MDN1: variants seen among roughly 807,000 people sequenced by gnomAD.
MDN1 encodes midasin AAA ATPase 1, also known as midasin.
Under a neutral mutation model 669.2 loss-of-function variants are expected in MDN1, and 266 were observed. The ratio of observed to expected loss-of-function variants is 0.40; its 90% confidence interval spans 0.36 to 0.44. The LOEUF is 0.44. MDN1 is among the 20% of genes least tolerant of loss of function. MDN1 has a pLI of 1.00. For missense variants in MDN1, 5,940 were observed against 6,754.0 expected, an observed-to-expected ratio of 0.88 and a Z score of 4.22; for synonymous variants, 2,385 against 2,457.1, an observed-to-expected ratio of 0.97 and a Z score of 0.87.
intron 90 of MDN1, among the ~76,000 whole-genome samples, chr6:89,657,029 G>A (rs1354478584): frequency 6.6e-6 from 1 of 152,208 alleles, no homozygotes; most frequent in Non-Finnish European, 1.5e-5. Context: ...AGGGGCCTTT[G>A]TAAGGCTGCT....
At chr6:89,725,503 G>T in intron 37 of MDN1, 107 bp from the exon 38 acceptor site, 1 of 986,010 alleles carries the variant, frequency 1.0e-6, no homozygotes, top group Non-Finnish European at 1.5e-6. Context: ...TCTTCAGAAA[G>T]GGAATTTCAA....
intron 50 of MDN1, among the ~76,000 whole-genome samples, chr6:89,709,169 T>A (rs961152915): frequency 3.3e-5 from 5 of 152,110 alleles, no homozygotes; most frequent in Admixed American, 3.3e-4. Context: ...AGGAGGAGAC[T>A]GACATTCTCC....
At chr6:89,805,686 C>T (rs996395043) in intron 1 of MDN1, among the ~76,000 whole-genome samples, 3 of 152,172 alleles carry the variant, frequency 2.0e-5, no homozygotes, top group African/African-American at 7.2e-5. Flanking sequence ...TACACCTGAG[C>T]TCTTACAAAG....
At chr6:89,661,623 A>C in intron 87 of MDN1, 45 bp from the exon 88 acceptor site, 1 of 1,535,582 alleles carries the variant, frequency 6.5e-7, no homozygotes, top group Admixed American at 2.1e-5. Context: ...AAATACAAAT[A>C]TTTTTTTAAA....
intron 64 of MDN1, 46 bp from the exon 65 acceptor site, chr6:89,690,189 A>G (rs371852136): frequency 1.1e-5 from 17 of 1,574,310 alleles, no homozygotes; most frequent in Admixed American, 1.8e-5. Context: ...ATCAGAATCT[A>G]CTTCTAATCA....
At chr6:89,702,938 CTTT>C (rs35611812) in intron 53 of MDN1, among the ~76,000 whole-genome samples, 20 of 140,332 alleles carry the variant, frequency 1.4e-4, no homozygotes, top group Admixed American at 1.4e-4. Flanking sequence ...GGTAAAGGCC[CTTT>C]TTTTTTTTTT....
In MDN1 at chr6:89,648,325, G is replaced by T; in HGVS notation, c.16211C>A (p.Ala5404Glu). ...TCCAATCACAGCCAAAGATTCAAAT[G>T]CAAGCTGTGAATTAGAAAGTTAATG... is the stretch of plus-strand genomic sequence containing the variant. ...SMVDNHTKQLAFESLAVIGNA... is the reference protein window; with the variant it reads ...SMVDNHTKQLEFESLAVIGNA... The change falls in exon 98 of 102, where the codon GCA (alanine) becomes GAA (glutamate). Residue 5404 changes from alanine (A) to glutamate (E), a missense_variant. Physicochemically the swap from Ala to Glu is moderately radical, Grantham distance 107. Around this residue, in one of 5 missense-constraint regions of MDN1, gnomAD observed 2,280 missense variants for 2,576.3 expected, o/e 0.88. Coordinates refer to ENST00000369393, the MANE Select transcript of MDN1 (RefSeq NM_014611.3). 1 of 1,613,750 alleles carries T rather than the reference G, an allele frequency of 6.2e-7. No homozygotes were observed. The highest frequency in any genetic ancestry group is 8.5e-7 in the Non-Finnish European group (1 of 1,179,650).
At chr6:89,762,923 G>A (rs1817628486) in intron 15 of MDN1, among the ~76,000 whole-genome samples, 1 of 152,054 alleles carries the variant, frequency 6.6e-6, no homozygotes, top group Admixed American at 6.5e-5. Context: ...AGGTGCAGTA[G>A]CACACACCTG....
At chr6:89,736,791 C>T (rs1008175744) in intron 33 of MDN1, among the ~76,000 whole-genome samples, 9 of 152,144 alleles carry the variant, frequency 5.9e-5, no homozygotes, top group African/African-American at 2.2e-4. Context: ...CCTTGTCTCC[C>T]CACAACCCCC....
chr6:89,683,289 C>T lies in MDN1; in HGVS notation c.11945G>A (p.Ser3982Asn). 6.2e-7 allele frequency: 1 copy of T among 1,614,176 alleles called. No individual in the cohort carries two copies. The highest frequency in any genetic ancestry group is 8.5e-7 in the Non-Finnish European group (1 of 1,180,048). ...KFMKKFEAVL[S>N]EPCRSSLVES... is the part of the protein sequence containing the mutation. ...CACCAGGGATGACCGGCAGGGTTCACTCAGGACTGCTTCAAATTTCTTCAT... is the reference window on the plus strand; with the variant it reads ...CACCAGGGATGACCGGCAGGGTTCATTCAGGACTGCTTCAAATTTCTTCAT... Residue 3982 changes from serine (S) to asparagine (N), a missense_variant, in exon 73 of 102, where the codon AGT (serine) becomes AAT (asparagine). Transcript: ENST00000369393.
intron 13 of MDN1, among the ~76,000 whole-genome samples, chr6:89,773,693 C>CGT (rs1443976586): frequency 4.0e-5 from 6 of 151,798 alleles, no homozygotes; most frequent in African/African-American, 9.7e-5. Flanking sequence ...GGCCAGGCAC[C>CGT]GTGGCTCAGG....
In MDN1 at chr6:89,725,281, T is replaced by G; in HGVS notation, c.5588A>C (p.Lys1863Thr). Reference protein sequence around the residue: ...MSFQVQHEKTKIFGCQNPFRQ... With the variant: ...MSFQVQHEKTTIFGCQNPFRQ... Reference sequence around the variant, plus strand: ...AAAGGGATTCTGACACCCAAAAATCTTCGTCTTTTCATGCTGCACTTGAAA... The same window carrying G: ...AAAGGGATTCTGACACCCAAAAATCGTCGTCTTTTCATGCTGCACTTGAAA... The change falls in exon 38 of 102, where the codon AAG becomes ACG. Residue 1863 changes from lysine to threonine, a missense_variant. Coordinates refer to ENST00000369393, the MANE Select transcript of MDN1 (RefSeq NM_014611.3). 1 of 1,614,072 alleles carries G rather than the reference T, an allele frequency of 6.2e-7. No homozygotes were observed. Among genetic ancestry groups the G allele is most frequent in the East Asian group, 2.2e-5 (1 of 44,862 alleles).
intron 80 of MDN1, 36 bp from the exon 81 acceptor site, chr6:89,672,738 CA>C: frequency 1.9e-6 from 3 of 1,598,328 alleles, no homozygotes; most frequent in Non-Finnish European, 2.6e-6. Context: ...AACATACAAA[CA>C]AAAGACACCA....
Position 89,668,094 on chromosome 6 carries a change from ACTCAGTTG to A in MDN1, c.14006_14013del (p.Ala4669ValfsTer3). ...ATTCCACCTCCCTCATAGTCATGGA[ACTCAGTTG>A]CTCCCTCTCCAGCTGAATCTTCCAT... On this transcript the variant is annotated frameshift_variant, in exon 84 of 102. Coordinates refer to ENST00000369393, the MANE Select transcript of MDN1 (RefSeq NM_014611.3). LOFTEE classifies it high-confidence loss of function. The A allele has an allele frequency of 6.2e-7, 1 of 1,614,070 alleles. No individual in the cohort carries two copies. The highest frequency in any genetic ancestry group is 8.5e-7 in the Non-Finnish European group (1 of 1,180,000).
chr6:89,761,027 A>G (rs35370614), intron 17 of MDN1, among the ~76,000 whole-genome samples: 17,061 of 152,152 alleles, frequency 0.11, 1,273 homozygotes, highest in Middle Eastern at 0.21. Context: ...TTAGCCGGGC[A>G]TGGTGGCATG....
intron 2 of MDN1, among the ~76,000 whole-genome samples, chr6:89,795,909 C>T (rs1447012574): frequency 6.6e-6 from 1 of 151,918 alleles, no homozygotes; most frequent in African/African-American, 2.4e-5. Flanking sequence ...GAGCCGAGAT[C>T]GCACCACTGC....
rs1562125761 is a variant in MDN1, at chr6:89,712,266, A to G, written c.7431-10T>C. On this transcript the variant is annotated splice_polypyrimidine_tract_variant and intron_variant, in intron 48 of 101. Coordinates refer to ENST00000369393, the MANE Select transcript of MDN1 (RefSeq NM_014611.3). Reference sequence around the variant, plus strand: ...GGTAAAAGGCTGACTCCTGAAATTCATTTGAATGAACAAACTCAGTACTAG... The same window carrying G: ...GGTAAAAGGCTGACTCCTGAAATTCGTTTGAATGAACAAACTCAGTACTAG... 1 of 1,604,208 alleles carries G rather than the reference A, an allele frequency of 6.2e-7. No homozygotes were observed. The highest frequency in any genetic ancestry group is 1.1e-5 in the South Asian group (1 of 90,594).
At position 89,727,749 on chromosome 6, in the gene MDN1, T is replaced by C. The variant is rs1021330775; in HGVS notation, c.5472+84A>G. The C allele has an allele frequency of 7.4e-5, 118 of 1,603,800 alleles. No individual in the cohort carries two copies. The Admixed American group carries it at 1.6e-3, about 22-fold the overall frequency. On this transcript the variant is annotated intron_variant, in intron 37 of 101. Coordinates refer to ENST00000369393, the MANE Select transcript of MDN1 (RefSeq NM_014611.3). ...ATCAGCGGGATCTTCCACTGAGAAA[T>C]GGATTGTGAAATGGAGCTGTGAAAG...
intron 2 of MDN1, among the ~76,000 whole-genome samples, chr6:89,801,522 G>A (rs149094112): frequency 0.013 from 1,968 of 152,182 alleles, 94 homozygotes; most frequent in Admixed American, 0.089. Flanking sequence ...GTGGTGGCAC[G>A]CACCTGTAGT....
Sources: allele counts gnomAD v4.1 joint callset (sites outside exome capture counted in the v4.1 genomes callset), GRCh38; gene constraint gnomAD v4.1.1; regional missense constraint gnomAD v4.1.1; transcripts MANE v1.5; gene names NCBI Gene and HGNC (gene_info 2026-07-23, HGNC 2026-07-21).